Variants in GRIN3A observed in about 807,000 individuals in gnomAD.
GRIN3A encodes glutamate receptor ionotropic, NMDA 3A.
A neutral mutation model predicts 92.4 loss-of-function variants in GRIN3A; 47 were observed. The observed-to-expected ratio is 0.51, with a 90% CI of 0.40 to 0.65. The LOEUF (loss-of-function observed/expected upper bound fraction) is 0.65, where lower values mean the gene tolerates loss of function less well. Ranked by LOEUF, GRIN3A falls within the 30% of genes least tolerant of loss-of-function variation. The pLI is 0.00. For synonymous variants in GRIN3A, 527 were observed against 540.6 expected (o/e 0.97, Z 0.35); for missense variants, 1,324 against 1,393.1 (o/e 0.95, Z 0.79).
At chr9:101,719,725 T>C (rs1227521744) in intron 1 of GRIN3A, among the ~76,000 whole-genome samples, 1 of 152,230 alleles carries the variant, frequency 6.6e-6, no homozygotes, top group East Asian at 1.9e-4. Context: ...AGAGTTGGAA[T>C]GAAGTAAGCT....
At chr9:101,634,332 C>G (rs1293975333) in intron 3 of GRIN3A, among the ~76,000 whole-genome samples, 1 of 68,740 alleles carries the variant, frequency 1.5e-5, no homozygotes, top group African/African-American at 6.3e-5. Flanking sequence ...GACTCCGTCT[C>G]AAAAAAAAAA....
rs867095003 is a variant in GRIN3A at position 101,681,636 on chromosome 9, C to T, written c.1304+4960G>A. Among the ~76,000 whole-genome samples the T allele has an allele frequency of 5.6e-4, 85 of 152,344 alleles. 1 individual carries two copies. The Middle Eastern group carries it at 0.017, about 30-fold the overall frequency. Reference sequence around the variant, plus strand: ...TCCAAGTCCAGTGTTTTTCCCTCATCACCAAATATCTGAGAAGAGTTCATT... The same window carrying T: ...TCCAAGTCCAGTGTTTTTCCCTCATTACCAAATATCTGAGAAGAGTTCATT... On this transcript the variant is annotated intron_variant, in intron 2 of 8. Coordinates refer to ENST00000361820, the MANE Select transcript of GRIN3A (RefSeq NM_133445.3).
At chr9:101,716,797 T>G (rs545515462) in intron 1 of GRIN3A, among the ~76,000 whole-genome samples, 1 of 152,336 alleles carries the variant, frequency 6.6e-6, no homozygotes, top group South Asian at 2.1e-4. Flanking sequence ...CTAGCAGGCA[T>G]GCAGTTTGTT....
At chr9:101,576,881 A>G (rs1827833929) in intron 8 of GRIN3A, among the ~76,000 whole-genome samples, 1 of 152,202 alleles carries the variant, frequency 6.6e-6, no homozygotes, top group South Asian at 2.1e-4. Flanking sequence ...ACAAACAAAA[A>G]GAATCCTGTT....
intron 6 of GRIN3A, among the ~76,000 whole-genome samples, chr9:101,605,861 T>A (rs1452772209): frequency 6.6e-6 from 1 of 152,226 alleles, no homozygotes; most frequent in East Asian, 1.9e-4. Flanking sequence ...TTGCTTAGTA[T>A]GTGTTTCCCT....
At chr9:101,702,101 A>T (rs1455980208) in intron 1 of GRIN3A, among the ~76,000 whole-genome samples, 1 of 152,156 alleles carries the variant, frequency 6.6e-6, no homozygotes, top group African/African-American at 2.4e-5. Context: ...CAGGAGTTCA[A>T]GACCAGCCTG....
At chr9:101,620,597 CTAAG>C (rs60042826) in intron 5 of GRIN3A, among the ~76,000 whole-genome samples, 18,283 of 152,024 alleles carry the variant, frequency 0.12, 1,933 homozygotes, top group African/African-American at 0.29. Context: ...TATTAACTAC[CTAAG>C]TGAGTGAATT....
At chr9:101,636,837 T>C (rs12340946) in intron 3 of GRIN3A, among the ~76,000 whole-genome samples, 2,084 of 152,288 alleles carry the variant, frequency 0.014, 51 homozygotes, top group African/African-American at 0.046. Flanking sequence ...TTGAACAGTG[T>C]TGTTTACAAA....
chr9:101,688,594 G>C (rs1057186163), intron 1 of GRIN3A, among the ~76,000 whole-genome samples: 1 of 152,100 alleles, frequency 6.6e-6, no homozygotes, highest in African/African-American at 2.4e-5. Flanking sequence ...GCTGTTCATG[G>C]TAGGGAGGGT....
At chr9:101,620,741 A>G (rs562124597) in intron 5 of GRIN3A, among the ~76,000 whole-genome samples, 1 of 152,248 alleles carries the variant, frequency 6.6e-6, no homozygotes, top group East Asian at 1.9e-4. Flanking sequence ...ATTCCTGTAA[A>G]CTAAATGACC....
chr9:101,577,985 T>C, intron 7 of GRIN3A, 141 bp from the exon 8 acceptor site: 1 of 669,992 alleles, frequency 1.5e-6, no homozygotes, highest in Non-Finnish European at 2.7e-6. Context: ...TGCCTAAAAA[T>C]AGATCAACAT....
intron 3 of GRIN3A, among the ~76,000 whole-genome samples, chr9:101,653,365 A>G (rs932767677): frequency 5.3e-5 from 8 of 152,006 alleles, no homozygotes; most frequent in Admixed American, 1.3e-4. Flanking sequence ...TGAATTTATG[A>G]TGAACTCTAA....
rs1009806973 is a variant in GRIN3A at position 101,705,262 on chromosome 9, G to A, written c.700-18062C>T. ...TTGAGAAGAGCAGAGGAACAGAGCC[G>A]CAGAGAACAGAAGAGGGAGGCAGAG... On this transcript the variant is annotated intron_variant, in intron 1 of 8. Transcript: ENST00000361820. Among the ~76,000 whole-genome samples the A allele has an allele frequency of 2.6e-5, 4 of 152,164 alleles. No homozygotes were observed. In the East Asian group the frequency reaches 5.8e-4, roughly 22 times the overall value.
intron 6 of GRIN3A, among the ~76,000 whole-genome samples, chr9:101,580,036 C>T (rs1410192088): frequency 6.6e-6 from 1 of 152,178 alleles, no homozygotes; most frequent in Non-Finnish European, 1.5e-5. Flanking sequence ...ATGCTAACAC[C>T]ACCATTTTTT....
At position 101,689,743 on chromosome 9, in the gene GRIN3A, T is replaced by TACACAC. The variant is rs33984810; in HGVS notation, c.700-2549_700-2544dup. On this transcript the variant is annotated intron_variant, in intron 1 of 8. Transcript: ENST00000361820. ...ATGCATACACATGCACACACACACA[T>TACACAC]ACACACACACACACACACACACACA... Among the ~76,000 whole-genome samples, 438 of 143,796 alleles carry TACACAC rather than the reference T, an allele frequency of 3.0e-3. 3 individuals carry two copies. The highest frequency in any genetic ancestry group is 0.011 in the East Asian group (51 of 4,768). 94.3% of individuals were successfully genotyped at this position (143,796 alleles called of 152,430 possible).
Position 101,729,588 on chromosome 9 carries a change from A to C in GRIN3A, c.699+7693T>G, listed in dbSNP as rs563072068. Among the ~76,000 whole-genome samples the C allele has an allele frequency of 2.6e-5, 4 of 152,292 alleles. No individual in the cohort carries two copies. In the South Asian group the frequency reaches 8.3e-4, roughly 32 times the overall value. On this transcript the variant is annotated intron_variant, in intron 1 of 8. Transcript: ENST00000361820. ...TGATGACATTGAGTACACCTGGATA[A>C]TCCAAGATACCCTTTCTATCTCAAG... is the stretch of plus-strand genomic sequence containing the variant.
At chr9:101,606,459 C>T (rs961618412) in intron 6 of GRIN3A, among the ~76,000 whole-genome samples, 3 of 152,142 alleles carry the variant, frequency 2.0e-5, no homozygotes, top group Middle Eastern at 6.8e-3. Context: ...CTTAGAAAGC[C>T]CTCTCCTATT....
At chr9:101,631,053 C>T (rs1006025743) in intron 3 of GRIN3A, among the ~76,000 whole-genome samples, 11 of 152,144 alleles carry the variant, frequency 7.2e-5, no homozygotes, top group Non-Finnish European at 1.3e-4. Context: ...CCTTACAGTA[C>T]ATATACCTAT....
rs562679366 is a variant in GRIN3A at position 101,671,699 on chromosome 9, C to T, written c.1305-592G>A. 4.6e-5 allele frequency among the ~76,000 whole-genome samples: 7 copies of T among 152,236 alleles called. No individual in the cohort carries two copies. In the South Asian group the frequency reaches 1.2e-3, roughly 27 times the overall value. On this transcript the variant is annotated intron_variant, in intron 2 of 8. Transcript: ENST00000361820. ...TGAAATCAGTTAACATAACTGTCCC[C>T]GTGAGGCTAGTTGAAGCTGCATGTT...
Sources: allele counts gnomAD v4.1 joint callset (sites outside exome capture counted in the v4.1 genomes callset), GRCh38; gene constraint gnomAD v4.1.1; transcripts MANE v1.5; gene names NCBI Gene and HGNC (gene_info 2026-07-23, HGNC 2026-07-21).